CAMKMT: variants seen among roughly 807,000 people sequenced by gnomAD.
CAMKMT encodes the protein calmodulin-lysine N-methyltransferase.
CAMKMT carries 53 observed loss-of-function variants against 48.0 expected under a neutral mutation model. That is an observed-to-expected ratio of 1.10 (90% CI 0.89 to 1.39). The LOEUF (loss-of-function observed/expected upper bound fraction) is 1.39, where lower values mean the gene tolerates loss of function less well. Among genes scored for constraint, CAMKMT ranks in the 40% most tolerant of loss-of-function variants. The probability of loss-of-function intolerance (pLI) is 0.00; values close to 1 mark genes in which losing one functional copy is unlikely to be tolerated. For missense variants in CAMKMT, 428 were observed against 402.7 expected, an observed-to-expected ratio of 1.06 and a Z score of -0.54; for synonymous variants, 165 against 152.3, an observed-to-expected ratio of 1.08 and a Z score of -0.61.
At chr2:44,402,327 TAAAA>T (rs61683632) in intron 3 of CAMKMT, among the ~76,000 whole-genome samples, 2 of 116,434 alleles carry the variant, frequency 1.7e-5, no homozygotes, top group African/African-American at 3.2e-5. Context: ...AGACTCTGTC[TAAAA>T]AAAAAAAAAA....
chr2:44,765,850 C>T (rs942811813), intron 9 of CAMKMT, among the ~76,000 whole-genome samples: 1 of 152,184 alleles, frequency 6.6e-6, no homozygotes, highest in Non-Finnish European at 1.5e-5. Flanking sequence ...AGTTGGAAAC[C>T]AAGATCCTGG....
chr2:44,577,673 G>C (rs371715600), intron 3 of CAMKMT, among the ~76,000 whole-genome samples: 3 of 123,164 alleles, frequency 2.4e-5, no homozygotes, highest in Non-Finnish European at 3.5e-5. Context: ...GAGAGGGAGA[G>C]GGAGACAGAG....
rs1669489698 is a variant in CAMKMT, at chr2:44,580,402, T to C, written c.377-123881T>C. On this transcript the variant is annotated intron_variant, in intron 3 of 10. Coordinates refer to ENST00000378494, the MANE Select transcript of CAMKMT (RefSeq NM_024766.5). ...ATTTACATAAATCCTCTTTAAATGA[T>C]GTATGTGAAAAAAAAGAAAGAAGGA... Among the ~76,000 whole-genome samples, 7 of 152,042 alleles carry C rather than the reference T, an allele frequency of 4.6e-5. No homozygotes were observed. In the South Asian group the frequency reaches 1.5e-3, roughly 32 times the overall value.
chr2:44,554,952 T>C (rs760800657), intron 3 of CAMKMT, among the ~76,000 whole-genome samples: 3 of 152,006 alleles, frequency 2.0e-5, no homozygotes, highest in African/African-American at 7.2e-5. Flanking sequence ...AATGGATGAA[T>C]AGGAATTAAC....
chr2:44,734,225 G>T (rs768291931), intron 7 of CAMKMT, among the ~76,000 whole-genome samples: 4 of 151,512 alleles, frequency 2.6e-5, no homozygotes, highest in Admixed American at 1.3e-4. Flanking sequence ...TACTTCATTC[G>T]TGGCATCCCA....
intron 3 of CAMKMT, among the ~76,000 whole-genome samples, chr2:44,683,948 T>C (rs573256329): frequency 2.2e-4 from 34 of 152,088 alleles, no homozygotes; most frequent in African/African-American, 7.9e-4. Context: ...TTCATGTCAC[T>C]AATGGTATGA....
chr2:44,746,186 A>G (rs1679909877), intron 8 of CAMKMT, among the ~76,000 whole-genome samples: 1 of 152,212 alleles, frequency 6.6e-6, no homozygotes, highest in Admixed American at 6.5e-5. Context: ...GAGTTCAAAT[A>G]TTAGGTACAT....
chr2:44,585,641 T>G (rs1233918929), intron 3 of CAMKMT, among the ~76,000 whole-genome samples: 1 of 152,182 alleles, frequency 6.6e-6, no homozygotes, highest in African/African-American at 2.4e-5. Context: ...TTGTTATAGA[T>G]TAAATGAAAT....
At chr2:44,509,189 C>T (rs545149301) in intron 3 of CAMKMT, among the ~76,000 whole-genome samples, 2 of 152,168 alleles carry the variant, frequency 1.3e-5, no homozygotes, top group South Asian at 2.1e-4. Context: ...AGGGACTGAG[C>T]CAGGGTTTCA....
intron 1 of CAMKMT, among the ~76,000 whole-genome samples, chr2:44,371,041 A>G (rs911824102): frequency 2.6e-5 from 4 of 152,132 alleles, no homozygotes; most frequent in Admixed American, 6.6e-5. Context: ...CTGGAGTGCA[A>G]TGGCACAATC....
At chr2:44,508,210 C>T (rs1366071949) in intron 3 of CAMKMT, among the ~76,000 whole-genome samples, 3 of 152,108 alleles carry the variant, frequency 2.0e-5, no homozygotes, top group African/African-American at 7.2e-5. Context: ...GATTCTAGAT[C>T]CTAGGGAGAA....
intron 3 of CAMKMT, among the ~76,000 whole-genome samples, chr2:44,639,711 G>T (rs780606108): frequency 3.3e-5 from 5 of 152,130 alleles, no homozygotes; most frequent in Non-Finnish European, 5.9e-5. Context: ...TGGATATTTT[G>T]AGGACATTTG....
At chr2:44,415,175 A>G (rs1332296069) in intron 3 of CAMKMT, among the ~76,000 whole-genome samples, 1 of 152,122 alleles carries the variant, frequency 6.6e-6, no homozygotes, top group African/African-American at 2.4e-5. Flanking sequence ...AATTCTGGGT[A>G]TTATTCTTAC....
chr2:44,741,272 T>C (rs758195071), intron 7 of CAMKMT, among the ~76,000 whole-genome samples: 14 of 152,210 alleles, frequency 9.2e-5, no homozygotes, highest in South Asian at 4.1e-4. Context: ...CATGGGAGTG[T>C]ATCTCCAAAG....
chr2:44,681,172 C>T (rs1211204066), intron 3 of CAMKMT, among the ~76,000 whole-genome samples: 1 of 152,106 alleles, frequency 6.6e-6, no homozygotes, highest in Non-Finnish European at 1.5e-5. Flanking sequence ...TTTCTGAAGG[C>T]CCATTTATGT....
intron 3 of CAMKMT, among the ~76,000 whole-genome samples, chr2:44,417,822 G>A (rs1683661892): frequency 1.3e-5 from 2 of 152,154 alleles, no homozygotes; most frequent in Admixed American, 6.5e-5. Flanking sequence ...CTTTTCATGT[G>A]CTTATTGGTC....
chr2:44,764,666 G>C (rs186234332), intron 9 of CAMKMT, among the ~76,000 whole-genome samples: 2 of 152,302 alleles, frequency 1.3e-5, no homozygotes, highest in East Asian at 1.9e-4. Flanking sequence ...TTCTGCCACA[G>C]TTCCTCCTTA....
intron 3 of CAMKMT, among the ~76,000 whole-genome samples, chr2:44,664,288 TTTG>T (rs1296372819): frequency 2.0e-5 from 3 of 152,196 alleles, no homozygotes; most frequent in Non-Finnish European, 4.4e-5. Flanking sequence ...GCCTTATAGG[TTTG>T]TTAAGAGGAC....
intron 9 of CAMKMT, among the ~76,000 whole-genome samples, chr2:44,762,585 A>G (rs938485415): frequency 6.6e-6 from 1 of 152,258 alleles, no homozygotes; most frequent in Admixed American, 6.5e-5. Context: ...CAGCACACCA[A>G]CATGGCACAT....
Sources: allele counts gnomAD v4.1 joint callset (sites outside exome capture counted in the v4.1 genomes callset), GRCh38; gene constraint gnomAD v4.1.1; transcripts MANE v1.5; gene names NCBI Gene and HGNC (gene_info 2026-07-23, HGNC 2026-07-21).